GPHN: variants seen among roughly 807,000 people sequenced by gnomAD.
GPHN encodes gephyrin.
A neutral mutation model predicts 95.5 loss-of-function variants in GPHN; 17 were observed. The ratio of observed to expected loss-of-function variants is 0.18; its 90% CI spans 0.12 to 0.27. GPHN has a LOEUF of 0.27. Ranked by LOEUF, GPHN falls within the 10% of genes least tolerant of loss-of-function variation. The probability of loss-of-function intolerance (pLI) is 1.00; values close to 1 mark genes in which losing one functional copy is unlikely to be tolerated. For missense variants in GPHN, 660 were observed against 978.1 expected, an observed-to-expected ratio of 0.67 and a Z score of 4.34; for synonymous variants, 320 against 322.5, an observed-to-expected ratio of 0.99 and a Z score of 0.08.
intron 4 of GPHN, among the ~76,000 whole-genome samples, chr14:66,832,631 T>C (rs2061623994): frequency 6.6e-6 from 1 of 152,194 alleles, no homozygotes; most frequent in African/African-American, 2.4e-5. Context: ...CCTTTCTGTT[T>C]GGTAAGAACA....
chr14:67,461,559 C>A, the GPHN span, among the ~76,000 whole-genome samples: 1 of 152,180 alleles, frequency 6.6e-6, no homozygotes, highest in Non-Finnish European at 1.5e-5. Context: ...CACTCTCCCT[C>A]CTTCTGGACA....
chr14:67,307,360 CATTT>C, the GPHN span, among the ~76,000 whole-genome samples: 1 of 152,100 alleles, frequency 6.6e-6, no homozygotes, highest in Non-Finnish European at 1.5e-5. Flanking sequence ...GGGACTTTTT[CATTT>C]AGTCTAATGC....
intron 8 of GPHN, among the ~76,000 whole-genome samples, chr14:66,962,331 G>GTTTTT (rs540551730): frequency 0.011 from 1,619 of 148,292 alleles, 16 homozygotes; most frequent in Middle Eastern, 0.017. Flanking sequence ...AGCATAGGCA[G>GTTTTT]TTTTTGTTTT....
chr14:67,726,945 T>A, the GPHN span: 1 of 1,592,438 alleles, frequency 6.3e-7, no homozygotes, highest in Admixed American at 1.7e-5. Context: ...GGGCTGTCAT[T>A]CCACTTTCAA....
At chr14:67,694,834 C>T in the GPHN span, among the ~76,000 whole-genome samples, 1 of 152,110 alleles carries the variant, frequency 6.6e-6, no homozygotes, top group South Asian at 2.1e-4. Context: ...GGACTAAGAC[C>T]GCCCACCTGG....
At chr14:67,712,287 C>T in the GPHN span, among the ~76,000 whole-genome samples, 2 of 151,756 alleles carry the variant, frequency 1.3e-5, no homozygotes, top group Admixed American at 1.3e-4. Flanking sequence ...CCTGGGTCTC[C>T]AAAAAGGGAG....
the GPHN span, chr14:67,695,758 A>G: frequency 2.6e-6 from 4 of 1,543,840 alleles, no homozygotes; most frequent in South Asian, 1.1e-5. Flanking sequence ...CTCGCCGACT[A>G]TGGCTTCTCT....
the GPHN span, among the ~76,000 whole-genome samples, chr14:67,519,168 A>G: frequency 2.0e-5 from 3 of 152,200 alleles, no homozygotes; most frequent in Non-Finnish European, 4.4e-5. Context: ...TAGGAAGGAA[A>G]GGGGCATAAA....
chr14:66,875,180 T>C lies in GPHN; in HGVS notation c.295-4759T>C, dbSNP rs760979957. On this transcript the variant is annotated intron_variant, in intron 4 of 22. Transcript: ENST00000478722. ...CTAAGCTTCATAAACAAAGGAGAAG[T>C]AAAATCCTTTACAGACAAGCAAATG... Among the ~76,000 whole-genome samples the C allele has an allele frequency of 1.4e-4, 22 of 152,144 alleles. 1 individual carries two copies. The highest frequency in any genetic ancestry group is 1.4e-3 in the Admixed American group (22 of 15,270).
At chr14:67,571,834 G>A in the GPHN span, 6 of 1,613,766 alleles carry the variant, frequency 3.7e-6, no homozygotes, top group East Asian at 8.9e-5. Context: ...GCGAGTTTCC[G>A]AATCTCGGTC....
At chr14:67,407,651 G>A in the GPHN span, among the ~76,000 whole-genome samples, 1 of 151,842 alleles carries the variant, frequency 6.6e-6, no homozygotes, top group Non-Finnish European at 1.5e-5. Context: ...TTGTTGCCTA[G>A]GCTGCTCTCG....
chr14:67,678,351 A>G, the GPHN span: 5 of 1,613,908 alleles, frequency 3.1e-6, no homozygotes, highest in African/African-American at 4.0e-5. Flanking sequence ...GCAGGTCACA[A>G]CTGACGTCCC....
chr14:66,663,860 C>A (rs1043119374), intron 1 of GPHN, among the ~76,000 whole-genome samples: 1 of 152,066 alleles, frequency 6.6e-6, no homozygotes, highest in Admixed American at 6.5e-5. Context: ...CTTTAACCAA[C>A]AAAGATCAAT....
At chr14:66,995,264 GGTTAAACATT>G (rs2071708289) in intron 9 of GPHN, among the ~76,000 whole-genome samples, 1 of 152,164 alleles carries the variant, frequency 6.6e-6, no homozygotes, top group Admixed American at 6.5e-5. Flanking sequence ...GCATCATAAA[GGTTAAACATT>G]GTTGTAAGTA....
At chr14:66,837,545 GTAAC>G (rs2061891270) in intron 4 of GPHN, among the ~76,000 whole-genome samples, 1 of 149,868 alleles carries the variant, frequency 6.7e-6, no homozygotes, top group South Asian at 2.1e-4. Flanking sequence ...GTATACGTAT[GTAAC>G]TAACCTGCAC....
chr14:67,138,636 G>A (rs768087515), intron 17 of GPHN, among the ~76,000 whole-genome samples: 7 of 151,984 alleles, frequency 4.6e-5, no homozygotes, highest in Non-Finnish European at 8.8e-5. Flanking sequence ...TGGATACATG[G>A]GTGTTTGTTA....
intron 1 of GPHN, among the ~76,000 whole-genome samples, chr14:66,669,925 T>C (rs1329407960): frequency 6.6e-6 from 1 of 152,256 alleles, no homozygotes; most frequent in Non-Finnish European, 1.5e-5. Flanking sequence ...CTAGCATCTC[T>C]GCTGCCTTGG....
At chr14:67,722,957 G>T in the GPHN span, among the ~76,000 whole-genome samples, 5 of 152,178 alleles carry the variant, frequency 3.3e-5, no homozygotes, top group East Asian at 9.6e-4. Flanking sequence ...TACTGCCAGC[G>T]GAAGGCTGCA....
the GPHN span, chr14:67,561,972 C>T: frequency 6.2e-7 from 1 of 1,613,316 alleles, no homozygotes. Flanking sequence ...GGAGAATCAG[C>T]ATCTGAAAAG....
Sources: allele counts gnomAD v4.1 joint callset (sites outside exome capture counted in the v4.1 genomes callset), GRCh38; gene constraint gnomAD v4.1.1; transcripts MANE v1.5; gene names NCBI Gene and HGNC (gene_info 2026-07-23, HGNC 2026-07-21).